APBB1IP: variants seen among roughly 807,000 people sequenced by gnomAD.
The protein encoded by APBB1IP is amyloid beta precursor protein binding family B member 1 interacting protein.
Under a neutral mutation model 64.9 loss-of-function variants are expected in APBB1IP, and 27 were observed. The ratio of observed to expected loss-of-function variants is 0.42; its 90% CI spans 0.31 to 0.57. The LOEUF is 0.57. Among genes scored for constraint, APBB1IP ranks in the 20% least tolerant of loss-of-function variants. The pLI, the probability that APBB1IP is intolerant of heterozygous loss-of-function variation, is 0.20. For missense variants in APBB1IP, 812 were observed against 845.5 expected (o/e 0.96, Z 0.49); for synonymous variants, 392 against 331.0 (o/e 1.18, Z -2.00).
intron 2 of APBB1IP, among the ~76,000 whole-genome samples, chr10:26,443,238 A>G (rs1201947479): frequency 3.9e-5 from 6 of 152,146 alleles, no homozygotes; most frequent in African/African-American, 1.2e-4. Context: ...CCTGACCAAC[A>G]TGGTGAAACA....
chr10:26,499,245 AAC>A (rs975774204), intron 4 of APBB1IP, among the ~76,000 whole-genome samples: 24 of 151,904 alleles, frequency 1.6e-4, no homozygotes, highest in African/African-American at 5.8e-4. Context: ...CAGCCTGGGC[AAC>A]AGAGGTTGCA....
intron 2 of APBB1IP, among the ~76,000 whole-genome samples, chr10:26,441,379 GAA>G (rs1220194345): frequency 6.6e-6 from 1 of 152,240 alleles, no homozygotes; most frequent in East Asian, 1.9e-4. Context: ...TGAAAAGAGA[GAA>G]CTAGCCGCAT....
At chr10:26,548,192 T>G (rs893402238) in intron 11 of APBB1IP, among the ~76,000 whole-genome samples, 7 of 152,228 alleles carry the variant, frequency 4.6e-5, no homozygotes, top group African/African-American at 1.7e-4. Context: ...TTAAAATTTT[T>G]TTTTATTATT....
At chr10:26,561,158 T>C (rs1479049337) in intron 13 of APBB1IP, among the ~76,000 whole-genome samples, 9 of 129,254 alleles carry the variant, frequency 7.0e-5, no homozygotes, top group Non-Finnish European at 1.4e-4. Flanking sequence ...AAGCTCCGCC[T>C]CCTGGGTTCA....
chr10:26,457,651 G>A (rs1040579038), intron 2 of APBB1IP, among the ~76,000 whole-genome samples: 7 of 152,226 alleles, frequency 4.6e-5, no homozygotes, highest in African/African-American at 1.7e-4. Flanking sequence ...TGAAGAGGAG[G>A]CTGGAAGGAG....
At chr10:26,520,850 A>G (rs1836393424) in intron 8 of APBB1IP, among the ~76,000 whole-genome samples, 1 of 152,256 alleles carries the variant, frequency 6.6e-6, no homozygotes, top group East Asian at 1.9e-4. Context: ...TTGTGAAGTT[A>G]TGCATAAAAG....
At chr10:26,474,554 G>A (rs1835754713) in intron 2 of APBB1IP, among the ~76,000 whole-genome samples, 1 of 152,156 alleles carries the variant, frequency 6.6e-6, no homozygotes, top group African/African-American at 2.4e-5. Flanking sequence ...CTAGAACTAA[G>A]CATTCAACAA....
At chr10:26,531,563 AGGCTGAGGCAGGAGAAT>A (rs1309386344) in intron 8 of APBB1IP, among the ~76,000 whole-genome samples, 1 of 151,790 alleles carries the variant, frequency 6.6e-6, no homozygotes, top group Non-Finnish European at 1.5e-5. Flanking sequence ...GCTACTCGGG[AGGCTGAGGCAGGAGAAT>A]GGCATGAACC....
chr10:26,508,719 A>C (rs1348073140), intron 6 of APBB1IP, among the ~76,000 whole-genome samples: 1 of 152,084 alleles, frequency 6.6e-6, no homozygotes, highest in Admixed American at 6.5e-5. Flanking sequence ...CTTCTTGCTA[A>C]ACATCACAAG....
chr10:26,522,269 G>A (rs1034676780), intron 8 of APBB1IP, among the ~76,000 whole-genome samples: 2 of 152,060 alleles, frequency 1.3e-5, no homozygotes, highest in Non-Finnish European at 2.9e-5. Context: ...TAGAAAGAGT[G>A]CCTATATATC....
intron 2 of APBB1IP, among the ~76,000 whole-genome samples, chr10:26,489,930 C>G (rs1275395979): frequency 6.6e-6 from 1 of 152,084 alleles, no homozygotes; most frequent in Non-Finnish European, 1.5e-5. Flanking sequence ...GAAGCTGAGG[C>G]AGGAGAATTG....
intron 2 of APBB1IP, among the ~76,000 whole-genome samples, chr10:26,476,533 G>A (rs893085733): frequency 4.6e-5 from 7 of 150,992 alleles, no homozygotes; most frequent in African/African-American, 7.3e-5. Flanking sequence ...AGTAAGAATC[G>A]TGTAATGGAC....
chr10:26,501,157 C>T, intron 5 of APBB1IP, 46 bp downstream of exon 5: 1 of 1,610,248 alleles, frequency 6.2e-7, no homozygotes, highest in Non-Finnish European at 8.5e-7. Context: ...ACCTCTGCTA[C>T]CTATCACTGA....
At chr10:26,555,887 C>T (rs1022955194) in intron 11 of APBB1IP, among the ~76,000 whole-genome samples, 1 of 152,210 alleles carries the variant, frequency 6.6e-6, no homozygotes, top group Non-Finnish European at 1.5e-5. Flanking sequence ...GTGTGAGCCA[C>T]GGGGCCCTGC....
intron 2 of APBB1IP, among the ~76,000 whole-genome samples, chr10:26,471,718 C>T (rs1469122964): frequency 6.6e-6 from 1 of 151,922 alleles, no homozygotes; most frequent in Non-Finnish European, 1.5e-5. Flanking sequence ...CAGAGTCTTG[C>T]TCTGTCGCCA....
At chr10:26,524,295 G>C (rs1836442918) in intron 8 of APBB1IP, among the ~76,000 whole-genome samples, 1 of 151,972 alleles carries the variant, frequency 6.6e-6, no homozygotes, top group East Asian at 1.9e-4. Context: ...GTGTCACACA[G>C]AGACACAGAA....
At chr10:26,459,068 T>G (rs2132405146) in intron 2 of APBB1IP, among the ~76,000 whole-genome samples, 1 of 149,340 alleles carries the variant, frequency 6.7e-6, no homozygotes, top group East Asian at 2.0e-4. Flanking sequence ...TAGGTATATC[T>G]CCTAATGCTA....
At chr10:26,555,783 G>T (rs12241074) in intron 11 of APBB1IP, among the ~76,000 whole-genome samples, 2 of 152,236 alleles carry the variant, frequency 1.3e-5, no homozygotes, top group East Asian at 3.9e-4. Context: ...ACTTTTTGTA[G>T]AGACAAGGTT....
rs143644185 is a variant in APBB1IP, at chr10:26,513,467, A to G, written c.692-72A>G. The G allele has an allele frequency of 2.1e-3, 3,292 of 1,572,550 alleles. 19 individuals are homozygous for G. Among genetic ancestry groups the G allele is most frequent in the Middle Eastern group, 9.9e-3 (44 of 4,428 alleles). On this transcript the variant is annotated intron_variant, in intron 7 of 14. Coordinates refer to ENST00000376236, the MANE Select transcript of APBB1IP (RefSeq NM_019043.4). ...ATGAAAGTCATGAAGCATTAACTCA[A>G]TAATAGCTTGTTTCTCACTTGGAAA...
Sources: gnomAD v4.1 joint callset for allele counts (sites outside exome capture counted in the v4.1 genomes callset) on GRCh38, gnomAD v4.1.1 for gene constraint, MANE v1.5 for transcripts, NCBI Gene and HGNC (gene_info 2026-07-23, HGNC 2026-07-21) for gene names.